The following ATP8A2 variants were observed in gnomAD, a reference collection of about 807,000 sequenced individuals.
ATP8A2 encodes the protein phospholipid-transporting ATPase IB.
ATP8A2 carries 100 observed loss-of-function variants against 165.6 expected under a neutral mutation model. The observed-to-expected ratio is 0.60, with a 90% confidence interval of 0.51 to 0.71. The LOEUF is 0.71. Among genes scored for constraint, ATP8A2 ranks in the 30% least tolerant of loss-of-function variants. ATP8A2 has a pLI of 0.00. For synonymous variants in ATP8A2, 543 were observed against 548.8 expected (o/e 0.99, Z 0.15); for missense variants, 1,227 against 1,479.5 (o/e 0.83, Z 2.80).
chr13:25,754,057 G>C (rs1396598413), intron 25 of ATP8A2, among the ~76,000 whole-genome samples: 1 of 152,240 alleles, frequency 6.6e-6, no homozygotes, highest in Admixed American at 6.5e-5. Context: ...AAGATGGATA[G>C]CCCTGCCTTA....
intron 10 of ATP8A2, among the ~76,000 whole-genome samples, chr13:25,545,630 TTTTG>T (rs929546262): frequency 6.6e-5 from 10 of 152,156 alleles, no homozygotes; most frequent in Non-Finnish European, 1.3e-4. Flanking sequence ...TACTTCTGGC[TTTTG>T]TTTGTTTGTT....
intron 25 of ATP8A2, among the ~76,000 whole-genome samples, chr13:25,739,061 C>T (rs1289983393): frequency 6.6e-6 from 1 of 152,194 alleles, no homozygotes; most frequent in Non-Finnish European, 1.5e-5. Context: ...AAAAGCTCTT[C>T]CATTTCTCTT....
intron 2 of ATP8A2, among the ~76,000 whole-genome samples, chr13:25,529,022 T>A (rs2037944705): frequency 6.6e-6 from 1 of 152,108 alleles, no homozygotes; most frequent in African/African-American, 2.4e-5. Context: ...TTCCTCTTCC[T>A]GTGTCCATGT....
At chr13:25,999,779 A>T (rs568151959) in intron 35 of ATP8A2, among the ~76,000 whole-genome samples, 123 of 152,260 alleles carry the variant, frequency 8.1e-4, no homozygotes, top group African/African-American at 2.8e-3. Flanking sequence ...TAAAAAGAAG[A>T]TGCATATGGA....
chr13:25,837,507 T>C (rs3742216), intron 29 of ATP8A2, among the ~76,000 whole-genome samples: 32,903 of 149,750 alleles, frequency 0.22, 3,683 homozygotes, highest in Middle Eastern at 0.25. Flanking sequence ...CCTTCTCAGG[T>C]GACGGGTCCA....
At chr13:25,557,457 G>C (rs1444474357) in intron 13 of ATP8A2, among the ~76,000 whole-genome samples, 1 of 151,972 alleles carries the variant, frequency 6.6e-6, no homozygotes, top group Admixed American at 6.6e-5. Context: ...GTGAGTTCTT[G>C]GTGCATATCA....
intron 35 of ATP8A2, among the ~76,000 whole-genome samples, chr13:25,986,294 A>G (rs1956279857): frequency 1.3e-5 from 2 of 152,244 alleles, no homozygotes; most frequent in African/African-American, 4.8e-5. Flanking sequence ...TCATCATGCT[A>G]TACATTAGCT....
rs1276063259 is a variant in ATP8A2, at chr13:25,531,253, GAT to G, written c.420+600_420+601del. Among the ~76,000 whole-genome samples, 111 of 18,730 alleles carry G rather than the reference GAT, an allele frequency of 5.9e-3. 1 individual carries two copies. The highest frequency in any genetic ancestry group is 0.015 in the African/African-American group (84 of 5,744). 12.3% of individuals were successfully genotyped at this position (18,730 alleles called of 152,430 possible). On this transcript the variant is annotated intron_variant, in intron 4 of 36. Coordinates refer to ENST00000381655, the MANE Select transcript of ATP8A2 (RefSeq NM_016529.6). ...TATATATGATATATATGTTATATAT[GAT>G]ATATATGATATATATGATATATATG...
chr13:25,522,743 A>G (rs2037710469), intron 2 of ATP8A2, among the ~76,000 whole-genome samples: 2 of 152,202 alleles, frequency 1.3e-5, no homozygotes, highest in African/African-American at 4.8e-5. Flanking sequence ...CCATCCTTAC[A>G]TCCCTGAGAA....
chr13:25,997,185 C>T (rs1028336633), intron 35 of ATP8A2, among the ~76,000 whole-genome samples: 2 of 152,162 alleles, frequency 1.3e-5, no homozygotes, highest in African/African-American at 4.8e-5. Context: ...CTTAGTTTTC[C>T]TTCCATTCAA....
rs143937874 is a variant in ATP8A2, at chr13:25,657,365, C to T, written c.2212-41808C>T. On this transcript the variant is annotated intron_variant, in intron 24 of 36. Transcript: ENST00000381655. ...TGTCTCAGATACTGACTCTGTGCCCCGGGGTCCCTCTCCGTGAAGCAGGAG... is the reference window on the plus strand; with the variant it reads ...TGTCTCAGATACTGACTCTGTGCCCTGGGGTCCCTCTCCGTGAAGCAGGAG... Among the ~76,000 whole-genome samples the T allele has an allele frequency of 5.1e-3, 773 of 152,216 alleles. 4 individuals are homozygous for T. The highest frequency in any genetic ancestry group is 0.017 in the African/African-American group (710 of 41,540).
intron 24 of ATP8A2, among the ~76,000 whole-genome samples, chr13:25,623,049 T>G (rs2041011298): frequency 6.6e-6 from 1 of 152,170 alleles, no homozygotes; most frequent in Non-Finnish European, 1.5e-5. Context: ...GAATATATTC[T>G]TAGAGGCACC....
At chr13:25,540,896 C>T (rs2038454218) in intron 8 of ATP8A2, among the ~76,000 whole-genome samples, 1 of 150,066 alleles carries the variant, frequency 6.7e-6, no homozygotes, top group Non-Finnish European at 1.5e-5. Context: ...GAGCCTTGCT[C>T]TGTTGCCCAG....
At chr13:25,760,050 A>T (rs1308052549) in intron 25 of ATP8A2, among the ~76,000 whole-genome samples, 1 of 152,182 alleles carries the variant, frequency 6.6e-6, no homozygotes, top group African/African-American at 2.4e-5. Context: ...TTGTGGAGTA[A>T]ACCGATCTTG....
Position 25,372,311 on chromosome 13 carries a change from A to G in ATP8A2, c.76+23A>G, listed in dbSNP as rs1430611320. 11 of 579,866 alleles carry G rather than the reference A, an allele frequency of 1.9e-5. No homozygotes were observed. The highest frequency in any genetic ancestry group is 2.5e-5 in the Non-Finnish European group (9 of 366,424). The allele number at this position is 579,866 out of a possible 1,614,324, so 35.9% of individuals were successfully genotyped here. A position where few individuals can be genotyped will look rare whatever the true frequency, so the allele number is the denominator to read the frequency against. Reference sequence around the variant, plus strand: ...TGGGTGAGCTGGGAGGGGCGCGGCGAGGGAGGGTGGGCCCGGGGCGGGGGC... The same window carrying G: ...TGGGTGAGCTGGGAGGGGCGCGGCGGGGGAGGGTGGGCCCGGGGCGGGGGC... On this transcript the variant is annotated intron_variant, in intron 1 of 36. Transcript: ENST00000381655. This position sits in a 1 kb window ranked among gnomAD's most constrained non-coding sequence, Gnocchi z 4.8.
At chr13:25,999,584 A>G (rs1011097547) in intron 35 of ATP8A2, among the ~76,000 whole-genome samples, 2 of 152,088 alleles carry the variant, frequency 1.3e-5, no homozygotes, top group African/African-American at 2.4e-5. Flanking sequence ...GCCTAGCACA[A>G]TCTCTGTAAG....
intron 1 of ATP8A2, among the ~76,000 whole-genome samples, chr13:25,382,287 AATAATACTCC>A (rs1381792545): frequency 1.3e-5 from 2 of 152,202 alleles, no homozygotes; most frequent in African/African-American, 4.8e-5. Context: ...TTTATCCTTG[AATAATACTCC>A]ATTGCCTATC....
intron 2 of ATP8A2, among the ~76,000 whole-genome samples, chr13:25,484,364 T>C (rs2036291533): frequency 6.6e-6 from 1 of 152,282 alleles, no homozygotes; most frequent in Middle Eastern, 3.4e-3. Flanking sequence ...CTTTTTTCCC[T>C]TCCATCTTGT....
At chr13:25,817,669 A>G (rs931674103) in intron 27 of ATP8A2, among the ~76,000 whole-genome samples, 1 of 151,608 alleles carries the variant, frequency 6.6e-6, no homozygotes, top group African/African-American at 2.4e-5. Flanking sequence ...CAGTCCTTTT[A>G]TTCTTTTTTC....
Sources: gnomAD v4.1 joint callset for allele counts (sites outside exome capture counted in the v4.1 genomes callset) on GRCh38, gnomAD v4.1.1 for gene constraint, Gnocchi (gnomAD v3.1) non-coding constraint, MANE v1.5 for transcripts, NCBI Gene and HGNC (gene_info 2026-07-23, HGNC 2026-07-21) for gene names.